The following NSMCE2 variants were observed in gnomAD, a reference collection of about 807,000 sequenced individuals.
NSMCE2 encodes the protein E3 SUMO-protein ligase NSE2.
A neutral mutation model predicts 23.8 loss-of-function variants in NSMCE2; 24 were observed. The ratio of observed to expected loss-of-function variants is 1.01; its 90% CI spans 0.73 to 1.42. The LOEUF (loss-of-function observed/expected upper bound fraction) is 1.42, where lower values mean the gene tolerates loss of function less well. NSMCE2 is among the 40% of genes most tolerant of loss of function. The pLI, the probability that NSMCE2 is intolerant of heterozygous loss-of-function variation, is 0.00. For synonymous variants in NSMCE2, 92 were observed against 94.1 expected, an observed-to-expected ratio of 0.98 and a Z score of 0.13; for missense variants, 284 against 296.5, an observed-to-expected ratio of 0.96 and a Z score of 0.31.
intron 4 of NSMCE2, among the ~76,000 whole-genome samples, chr8:125,172,825 A>G (rs1397925970): frequency 6.6e-6 from 1 of 152,118 alleles, no homozygotes; most frequent in African/African-American, 2.4e-5. Context: ...TACTCATTCC[A>G]TGTTCTTTTT....
rs551569138 is a variant in NSMCE2, at chr8:125,095,450, G to A, written c.-111+3492G>A. On this transcript the variant is annotated intron_variant, in intron 1 of 7. Coordinates refer to ENST00000287437, the MANE Select transcript of NSMCE2 (RefSeq NM_173685.4). ...ACTAAAAATTAAAAAAGAAAAATTG[G>A]CCAAGTGGTGGCGCGCGCCTGTGGT... 3.3e-5 allele frequency among the ~76,000 whole-genome samples: 5 copies of A among 151,604 alleles called. No individual in the cohort carries two copies. The South Asian group carries it at 1.0e-3, about 32-fold the overall frequency.
intron 5 of NSMCE2, among the ~76,000 whole-genome samples, chr8:125,209,114 A>AT (rs1307322807): frequency 2.0e-5 from 3 of 152,044 alleles, no homozygotes; most frequent in Non-Finnish European, 4.4e-5. Context: ...GACCAATTTG[A>AT]TTTTCTATCG....
intron 5 of NSMCE2, among the ~76,000 whole-genome samples, chr8:125,229,779 TG>T (rs950576584): frequency 3.9e-5 from 6 of 152,162 alleles, no homozygotes; most frequent in Non-Finnish European, 8.8e-5. Flanking sequence ...ATTGTTTTAG[TG>T]TTTTATTATT....
At chr8:125,102,999 G>A (rs898077347) in intron 3 of NSMCE2, among the ~76,000 whole-genome samples, 1 of 152,182 alleles carries the variant, frequency 6.6e-6, no homozygotes, top group Non-Finnish European at 1.5e-5. Context: ...CGGGTGCAGT[G>A]GCTCACCCCT....
At chr8:125,197,954 T>C (rs981985851) in intron 5 of NSMCE2, among the ~76,000 whole-genome samples, 1 of 152,182 alleles carries the variant, frequency 6.6e-6, no homozygotes, top group Non-Finnish European at 1.5e-5. Context: ...TTTGTAGCAA[T>C]TGTGAATGGG....
At chr8:125,311,690 C>T (rs562210963) in intron 5 of NSMCE2, among the ~76,000 whole-genome samples, 1 of 152,280 alleles carries the variant, frequency 6.6e-6, no homozygotes, top group African/African-American at 2.4e-5. Context: ...TGGAAGAAAT[C>T]TGAAGAATGT....
chr8:125,277,567 C>T (rs553456059), intron 5 of NSMCE2, among the ~76,000 whole-genome samples: 343 of 151,300 alleles, frequency 2.3e-3, no homozygotes, highest in African/African-American at 7.8e-3. Context: ...AGTGCAGTGG[C>T]GCGATCTCAG....
chr8:125,321,184 A>G (rs983174551), intron 5 of NSMCE2, among the ~76,000 whole-genome samples: 1 of 117,456 alleles, frequency 8.5e-6, no homozygotes, highest in Non-Finnish European at 1.9e-5. Flanking sequence ...TCAGATACCA[A>G]GTGGAAACCT....
At chr8:125,233,972 C>A (rs982139431) in intron 5 of NSMCE2, among the ~76,000 whole-genome samples, 2 of 143,420 alleles carry the variant, frequency 1.4e-5, no homozygotes. Flanking sequence ...GTCAGGAGAT[C>A]GAGACCATCC....
intron 5 of NSMCE2, among the ~76,000 whole-genome samples, chr8:125,273,686 A>G (rs1827323688): frequency 1.3e-5 from 2 of 152,238 alleles, no homozygotes; most frequent in Admixed American, 6.5e-5. Flanking sequence ...TCACTGGATT[A>G]TCATCTGAAT....
At chr8:125,129,258 C>T (rs1160398261) in intron 3 of NSMCE2, among the ~76,000 whole-genome samples, 1 of 152,056 alleles carries the variant, frequency 6.6e-6, no homozygotes, top group African/African-American at 2.4e-5. Flanking sequence ...GAAGGAGCCA[C>T]TGGAGGGTAG....
Position 125,267,380 on chromosome 8 carries a change from G to A in NSMCE2, c.418+85124G>A, listed in dbSNP as rs573920458. On this transcript the variant is annotated intron_variant, in intron 5 of 7. Coordinates refer to ENST00000287437, the MANE Select transcript of NSMCE2 (RefSeq NM_173685.4). The stretch of plus-strand genomic sequence containing the variant: ...GAGACAAATATGTGTAAAGGCTTTC[G>A]TTTGTATGTATTTTTATGTGAGAAG... Among the ~76,000 whole-genome samples, 14 of 152,226 alleles carry A rather than the reference G, an allele frequency of 9.2e-5. No individual in the cohort carries two copies. The East Asian group carries it at 1.5e-3, about 17-fold the overall frequency.
Position 125,161,866 on chromosome 8 carries a change from C to G in NSMCE2, c.264+10589C>G, listed in dbSNP as rs529690216. On this transcript the variant is annotated intron_variant, in intron 4 of 7. Coordinates refer to ENST00000287437, the MANE Select transcript of NSMCE2 (RefSeq NM_173685.4). ...TTGCACCACAGGATTGATTTCCAGACATTCTGACTTGCTTGCTTTTTACCT... is the reference window on the plus strand; with the variant it reads ...TTGCACCACAGGATTGATTTCCAGAGATTCTGACTTGCTTGCTTTTTACCT... Among the ~76,000 whole-genome samples, 463 of 151,974 alleles carry G rather than the reference C, an allele frequency of 3.0e-3. 3 individuals carry two copies. The highest frequency in any genetic ancestry group is 0.011 in the African/African-American group (445 of 41,424).
intron 4 of NSMCE2, among the ~76,000 whole-genome samples, chr8:125,167,662 G>T (rs916647600): frequency 1.3e-5 from 2 of 151,374 alleles, no homozygotes; most frequent in African/African-American, 4.9e-5. Flanking sequence ...TCAATCCTAA[G>T]GCAAAGAGGC....
chr8:125,246,568 ACTC>A (rs1288575465), intron 5 of NSMCE2, among the ~76,000 whole-genome samples: 1 of 151,768 alleles, frequency 6.6e-6, no homozygotes, highest in African/African-American at 2.4e-5. Context: ...TTAAAGAAAG[ACTC>A]CTCCCTCCCC....
At chr8:125,128,514 A>G (rs777921289) in intron 3 of NSMCE2, among the ~76,000 whole-genome samples, 6 of 152,208 alleles carry the variant, frequency 3.9e-5, no homozygotes, top group Non-Finnish European at 5.9e-5. Context: ...TGGAGGCCCC[A>G]TTTTCTAAGG....
At chr8:125,329,653 G>A (rs1829800711) in intron 5 of NSMCE2, among the ~76,000 whole-genome samples, 2 of 152,106 alleles carry the variant, frequency 1.3e-5, no homozygotes, top group African/African-American at 4.8e-5. Context: ...TTAATCTTGT[G>A]GCTCCATCAC....
chr8:125,264,843 T>A (rs1165362051), intron 5 of NSMCE2, among the ~76,000 whole-genome samples: 1 of 152,206 alleles, frequency 6.6e-6, no homozygotes, highest in African/African-American at 2.4e-5. Flanking sequence ...AATGGCCTTA[T>A]ATCTTCTAGT....
At chr8:125,311,288 T>C (rs1302777456) in intron 5 of NSMCE2, among the ~76,000 whole-genome samples, 1 of 152,230 alleles carries the variant, frequency 6.6e-6, no homozygotes, top group African/African-American at 2.4e-5. Flanking sequence ...AAGAATTCCC[T>C]TTCACTCAGT....
Sources: allele counts gnomAD v4.1 joint callset (sites outside exome capture counted in the v4.1 genomes callset), GRCh38; gene constraint gnomAD v4.1.1; transcripts MANE v1.5; gene names NCBI Gene and HGNC (gene_info 2026-07-23, HGNC 2026-07-21).